Variants in KLHL1 observed in about 807,000 individuals in gnomAD.
KLHL1 encodes kelch-like protein 1.
KLHL1 carries 47 observed loss-of-function variants against 77.7 expected under a neutral mutation model. That is an observed-to-expected ratio of 0.60 (90% CI 0.48 to 0.77). The LOEUF is 0.77. KLHL1 is among the 30% of genes least tolerant of loss of function. KLHL1 has a pLI of 0.00. For synonymous variants in KLHL1, 360 were observed against 325.2 expected (o/e 1.11, Z -1.15); for missense variants, 925 against 910.8 (o/e 1.02, Z -0.20).
intron 1 of KLHL1, among the ~76,000 whole-genome samples, chr13:70,063,373 T>G (rs1886935281): frequency 6.6e-6 from 1 of 152,158 alleles, no homozygotes. Context: ...AAAACTGCAA[T>G]TACAGCTTTT....
At chr13:69,791,764 A>G (rs1593176) in intron 7 of KLHL1, among the ~76,000 whole-genome samples, 1 of 151,940 alleles carries the variant, frequency 6.6e-6, no homozygotes, top group Admixed American at 6.6e-5. Flanking sequence ...AAATACAAAA[A>G]TAACTCAAAG....
At chr13:69,720,889 T>C (rs946516728) in intron 8 of KLHL1, among the ~76,000 whole-genome samples, 1 of 147,826 alleles carries the variant, frequency 6.8e-6, no homozygotes, top group Non-Finnish European at 1.5e-5. Flanking sequence ...GAAGCCATAG[T>C]GGTTTTTGAA....
At chr13:69,755,666 G>GA (rs1274400792) in intron 7 of KLHL1, among the ~76,000 whole-genome samples, 2 of 151,852 alleles carry the variant, frequency 1.3e-5, no homozygotes, top group Non-Finnish European at 2.9e-5. Context: ...AAGCACTGCA[G>GA]AAAAAAGTTA....
At chr13:69,990,365 C>T (rs1190884734) in intron 1 of KLHL1, among the ~76,000 whole-genome samples, 1 of 151,918 alleles carries the variant, frequency 6.6e-6, no homozygotes, top group African/African-American at 2.4e-5. Context: ...AATTAAAAGG[C>T]AAAGAGTGGC....
At chr13:69,926,624 C>A (rs1882821810) in intron 4 of KLHL1, among the ~76,000 whole-genome samples, 2 of 151,736 alleles carry the variant, frequency 1.3e-5, no homozygotes, top group Non-Finnish European at 2.9e-5. Flanking sequence ...TATAGGGAAC[C>A]AAAAATAGTC....
intron 9 of KLHL1, among the ~76,000 whole-genome samples, chr13:69,713,941 A>G (rs1875993900): frequency 6.6e-6 from 1 of 152,044 alleles, no homozygotes; most frequent in African/African-American, 2.4e-5. Context: ...AGTCAGCACA[A>G]TGTTAGAAAA....
At chr13:69,783,778 T>C (rs558355820) in intron 7 of KLHL1, among the ~76,000 whole-genome samples, 1 of 144,932 alleles carries the variant, frequency 6.9e-6, no homozygotes, top group East Asian at 2.0e-4. Flanking sequence ...CCAGGAGAAC[T>C]TCCCCAATCT....
intron 4 of KLHL1, among the ~76,000 whole-genome samples, chr13:69,920,247 T>G (rs1386238460): frequency 6.6e-6 from 1 of 152,098 alleles, no homozygotes; most frequent in Non-Finnish European, 1.5e-5. Context: ...CATGTGAGAT[T>G]GTCAGTTTCC....
chr13:69,774,671 AACAC>A (rs200445733), intron 7 of KLHL1, among the ~76,000 whole-genome samples: 1,716 of 141,994 alleles, frequency 0.012, 90 homozygotes, highest in Admixed American at 0.097. Context: ...AATAAAAAAA[AACAC>A]ACACACACAA....
intron 1 of KLHL1, among the ~76,000 whole-genome samples, chr13:70,064,045 G>A (rs188601345): frequency 1.4e-3 from 210 of 152,156 alleles, no homozygotes; most frequent in African/African-American, 4.9e-3. Context: ...CTTATTATCA[G>A]AATTGATTAT....
chr13:69,746,547 T>A (rs867061685), intron 7 of KLHL1, among the ~76,000 whole-genome samples: 2 of 152,068 alleles, frequency 1.3e-5, no homozygotes, highest in South Asian at 2.1e-4. Context: ...ATACTCAATG[T>A]AATAACTGAT....
At chr13:69,889,298 T>C (rs964437827) in intron 4 of KLHL1, among the ~76,000 whole-genome samples, 3 of 142,030 alleles carry the variant, frequency 2.1e-5, no homozygotes, top group African/African-American at 4.9e-5. Flanking sequence ...TGTTGAACAC[T>C]ACCTTAGAAT....
At chr13:70,012,604 G>C (rs1885561891) in intron 1 of KLHL1, among the ~76,000 whole-genome samples, 1 of 152,020 alleles carries the variant, frequency 6.6e-6, no homozygotes. Flanking sequence ...TAGAAACTCA[G>C]AGAGCTTTAA....
rs200544811 is a variant in KLHL1 at position 70,107,341 on chromosome 13, A to G, written c.359T>C (p.Phe120Ser). Residue 120 changes from phenylalanine to serine, a missense_variant, in exon 1 of 11, where the codon TTC becomes TCC. Physicochemically the swap from Phe to Ser is radical, Grantham distance 155. Transcript: ENST00000377844. The part of the protein sequence containing the change: ...QGTQQPARTL[F>S]YVESLEEEVV... ...CTCCTCCTCTAGTGACTCCACGTAG[A>G]AGAGAGTCCTGGCTGGCTGCTGAGT... The G allele has an allele frequency of 6.2e-7, 1 of 1,614,026 alleles. No homozygotes were observed. Among genetic ancestry groups the G allele is most frequent in the Admixed American group, 1.7e-5 (1 of 60,014 alleles).
intron 7 of KLHL1, among the ~76,000 whole-genome samples, chr13:69,787,810 G>GA (rs913489384): frequency 3.3e-5 from 5 of 151,314 alleles, no homozygotes; most frequent in Non-Finnish European, 5.9e-5. Flanking sequence ...AAATTTACAA[G>GA]AAAAAAACAA....
At chr13:69,741,938 G>T (rs1874005921) in intron 7 of KLHL1, among the ~76,000 whole-genome samples, 1 of 152,108 alleles carries the variant, frequency 6.6e-6, no homozygotes, top group Admixed American at 6.6e-5. Context: ...AAAGACAGAA[G>T]AAAGTTAACC....
At chr13:69,896,356 T>C (rs1455566403) in intron 4 of KLHL1, among the ~76,000 whole-genome samples, 1 of 152,224 alleles carries the variant, frequency 6.6e-6, no homozygotes, top group African/African-American at 2.4e-5. Context: ...TATCGTTGGT[T>C]AATTAGTCAT....
At chr13:70,015,492 T>C (rs1482224557) in intron 1 of KLHL1, among the ~76,000 whole-genome samples, 1 of 152,218 alleles carries the variant, frequency 6.6e-6, no homozygotes, top group African/African-American at 2.4e-5. Context: ...ATGGTTTGAG[T>C]TAAAATTTTT....
intron 1 of KLHL1, among the ~76,000 whole-genome samples, chr13:69,986,295 A>C (rs1460186033): frequency 1.3e-5 from 2 of 152,008 alleles, no homozygotes; most frequent in East Asian, 3.8e-4. Flanking sequence ...ATAGTAATTT[A>C]TTACATATTT....
Sources: allele counts gnomAD v4.1 joint callset (sites outside exome capture counted in the v4.1 genomes callset), GRCh38; gene constraint gnomAD v4.1.1; transcripts MANE v1.5; gene names NCBI Gene and HGNC (gene_info 2026-07-23, HGNC 2026-07-21).